Variants in A1CF observed in about 807,000 individuals in gnomAD.
A1CF encodes the protein APOBEC1 complementation factor.
A neutral mutation model predicts 68.9 loss-of-function variants in A1CF; 48 were observed. The ratio of observed to expected loss-of-function variants is 0.70; its 90% CI spans 0.55 to 0.89. The LOEUF (loss-of-function observed/expected upper bound fraction) is 0.89. A1CF is among the 40% of genes least tolerant of loss of function. A1CF has a pLI of 0.00. For synonymous variants in A1CF, 272 were observed against 260.4 expected, an observed-to-expected ratio of 1.04 and a Z score of -0.43; for missense variants, 653 against 718.9, an observed-to-expected ratio of 0.91 and a Z score of 1.05.
chr10:50,810,968 G>C, intron 11 of A1CF, 72 bp downstream of exon 11: 1 of 1,465,742 alleles, frequency 6.8e-7, no homozygotes, highest in South Asian at 1.4e-5. Context: ...TTGTTTAGAT[G>C]GTGACTAAAT....
rs79307060 is a variant in A1CF at position 50,827,989 on chromosome 10, G to A, written c.769+142C>T. ...CGATCCCACAGAAATACAAACTACC[G>A]TCAGAGAATACTATAAACACCTCTA... On this transcript the variant is annotated intron_variant, in intron 7 of 12. Coordinates refer to ENST00000373997, the MANE Select transcript of A1CF (RefSeq NM_014576.4). The A allele has an allele frequency of 4.4e-3, 2,090 of 469,948 alleles. 27 individuals carry two copies. Among genetic ancestry groups the A allele is most frequent in the East Asian group, 0.024 (681 of 28,740 alleles). The allele number at this position is 469,948 out of a possible 1,614,324, so 29.1% of individuals were successfully genotyped here. A position where few individuals can be genotyped will look rare whatever the true frequency, so the allele number is the denominator to read the frequency against.
chr10:50,834,574 A>G (rs545341989), intron 6 of A1CF, among the ~76,000 whole-genome samples: 76 of 152,352 alleles, frequency 5.0e-4, no homozygotes, highest in African/African-American at 1.8e-3. Flanking sequence ...GGTATTGAAT[A>G]ATGAAATCAC....
chr10:50,875,273 C>T (rs969817267), intron 1 of A1CF, among the ~76,000 whole-genome samples: 1 of 148,010 alleles, frequency 6.8e-6, no homozygotes. Flanking sequence ...AAATAAAATC[C>T]TTGAAGTACC....
chr10:50,851,749 TTC>T (rs1406046619), intron 3 of A1CF, among the ~76,000 whole-genome samples: 2 of 152,206 alleles, frequency 1.3e-5, no homozygotes, highest in African/African-American at 4.8e-5. Flanking sequence ...AGTGGAATAA[TTC>T]TCTCTATATG....
chr10:50,810,105 T>C, intron 11 of A1CF, 63 bp from the exon 12 acceptor site: 1 of 1,585,650 alleles, frequency 6.3e-7, no homozygotes, highest in South Asian at 1.1e-5. Flanking sequence ...AGGTGAAAAC[T>C]TAAGGCACTA....
chr10:50,857,603 G>A (rs1840546394), intron 3 of A1CF, among the ~76,000 whole-genome samples: 1 of 152,110 alleles, frequency 6.6e-6, no homozygotes, highest in Admixed American at 6.6e-5. Context: ...CTGTCATTTT[G>A]CCTAAAGCAG....
At chr10:50,819,997 T>G (rs1487877977) in intron 8 of A1CF, among the ~76,000 whole-genome samples, 3 of 152,224 alleles carry the variant, frequency 2.0e-5, no homozygotes, top group African/African-American at 7.2e-5. Flanking sequence ...GCATGATAAG[T>G]GGTCTACAGA....
rs767370926 is a variant in A1CF, at chr10:50,844,018, A to C, written c.204T>G (p.Phe68Leu). 4.3e-6 allele frequency: 7 copies of C among 1,613,738 alleles called. No individual in the cohort carries two copies. The highest frequency in any genetic ancestry group is 5.9e-6 in the Non-Finnish European group (7 of 1,179,832). ...CACATAATGGTATAAGCTCATCCTC[A>C]AAAAGGTCTCGGGGAAGTTTTCCAA... is the stretch of plus-strand genomic sequence containing the variant. ...IFIGKLPRDLFEDELIPLCEK... is the reference protein window; with the variant it reads ...IFIGKLPRDLLEDELIPLCEK... Residue 68 changes from phenylalanine to leucine, a missense_variant, in exon 4 of 13, where the codon TTT (phenylalanine) becomes TTG (leucine). By Grantham distance (22) the Phe-to-Leu change is conservative (BLOSUM62 0). Coordinates refer to ENST00000373997, the MANE Select transcript of A1CF (RefSeq NM_014576.4).
chr10:50,858,461 T>G (rs977999591), intron 3 of A1CF, among the ~76,000 whole-genome samples: 5 of 152,114 alleles, frequency 3.3e-5, no homozygotes, highest in African/African-American at 1.2e-4. Flanking sequence ...ATTTATACAT[T>G]TAAGTTTGTG....
At chr10:50,819,005 G>A (rs1231849997) in intron 8 of A1CF, among the ~76,000 whole-genome samples, 1 of 152,210 alleles carries the variant, frequency 6.6e-6, no homozygotes, top group Non-Finnish European at 1.5e-5. Context: ...GGGAACACTG[G>A]TAGGAGGTTG....
intron 3 of A1CF, among the ~76,000 whole-genome samples, chr10:50,852,369 A>T (rs1193053113): frequency 6.6e-6 from 1 of 152,188 alleles, no homozygotes; most frequent in Non-Finnish European, 1.5e-5. Flanking sequence ...CCACAAAGGG[A>T]TTCACAGAAC....
chr10:50,841,263 C>T (rs1045018228), intron 5 of A1CF, among the ~76,000 whole-genome samples: 2 of 152,306 alleles, frequency 1.3e-5, no homozygotes, highest in African/African-American at 4.8e-5. Context: ...TTCAGTCCTC[C>T]TCTCTTTACC....
intron 3 of A1CF, chr10:50,850,845 C>T (rs1840209209): frequency 6.4e-7 from 1 of 1,571,690 alleles, no homozygotes; most frequent in Admixed American, 1.9e-5. Context: ...TTAGTCATTC[C>T]TTAATCCGTT....
At chr10:50,820,454 G>T in intron 8 of A1CF, 98 bp downstream of exon 8, 1 of 955,866 alleles carries the variant, frequency 1.0e-6, no homozygotes, top group Non-Finnish European at 1.6e-6. Flanking sequence ...GTCAGAGAAG[G>T]CTGGAGTGAG....
At chr10:50,840,118 C>T (rs190700316) in intron 5 of A1CF, among the ~76,000 whole-genome samples, 8 of 152,052 alleles carry the variant, frequency 5.3e-5, no homozygotes, top group Non-Finnish European at 1.0e-4. Flanking sequence ...TCTTTTGGTC[C>T]TATAGAAAGT....
chr10:50,816,062 G>A lies in A1CF; in HGVS notation c.1085C>T (p.Pro362Leu). ...GTTGCTGAGATGTCCTTTGGTGGCT[G>A]GGAAATGAAGACTGGGAATTGCTGC... ...TYAAIPSLHF[P>L]ATKGHLSNRA... Residue 362 changes from proline (P) to leucine (L), a missense_variant, in exon 9 of 13, where the codon CCA (proline) becomes CTA (leucine). By Grantham distance (98) the Pro-to-Leu change is moderately conservative (BLOSUM62 -3). Coordinates refer to ENST00000373997, the MANE Select transcript of A1CF (RefSeq NM_014576.4). The A allele has an allele frequency of 1.2e-6, 2 of 1,613,782 alleles. No individual in the cohort carries two copies. Among genetic ancestry groups the A allele is most frequent in the Non-Finnish European group, 1.7e-6 (2 of 1,179,826 alleles).
At position 50,820,839 on chromosome 10, in the gene A1CF, CTT is replaced by C. The variant is rs535158014; in HGVS notation, c.770-192_770-191del. 4.2e-4 allele frequency among the ~76,000 whole-genome samples: 64 copies of C among 152,120 alleles called. 1 individual carries two copies. In the South Asian group the frequency reaches 0.012, roughly 28 times the overall value. On this transcript the variant is annotated intron_variant, in intron 7 of 12. Coordinates refer to ENST00000373997, the MANE Select transcript of A1CF (RefSeq NM_014576.4). ...TTTTAAAATAAAATTTATATTCTGA[CTT>C]ATTATAATTTGTTATGGATTTGTGT... is the stretch of plus-strand genomic sequence containing the variant.
intron 1 of A1CF, among the ~76,000 whole-genome samples, chr10:50,883,998 C>T (rs145574722): frequency 3.4e-4 from 52 of 152,226 alleles, no homozygotes; most frequent in African/African-American, 1.1e-3. Context: ...GAAGTAGACC[C>T]GATAATATAG....
chr10:50,853,505 C>A (rs905161787), intron 3 of A1CF, among the ~76,000 whole-genome samples: 1 of 152,006 alleles, frequency 6.6e-6, no homozygotes, highest in Non-Finnish European at 1.5e-5. Flanking sequence ...AATTTTCTAT[C>A]TTTTCTATGA....
Sources: allele counts gnomAD v4.1 joint callset (sites outside exome capture counted in the v4.1 genomes callset), GRCh38; gene constraint gnomAD v4.1.1; transcripts MANE v1.5; gene names NCBI Gene and HGNC (gene_info 2026-07-23, HGNC 2026-07-21).